The following KANK1 variants were observed in gnomAD, a reference collection of about 807,000 sequenced individuals.
KANK1 encodes KN motif and ankyrin repeat domains 1, also known as KN motif and ankyrin repeat domain-containing protein 1.
A neutral mutation model predicts 106.2 loss-of-function variants in KANK1; 109 were observed. That is an observed-to-expected ratio of 1.03 (90% confidence interval 0.88 to 1.20). The LOEUF is 1.20. KANK1 is among the 50% of genes most tolerant of loss of function. The probability of loss-of-function intolerance (pLI) is 0.00; values close to 1 mark genes in which losing one functional copy is unlikely to be tolerated. For synonymous variants in KANK1, 873 were observed against 652.2 expected (o/e 1.34, Z -5.16); for missense variants, 2,399 against 1,710.7 (o/e 1.40, Z -7.10).
chr9:730,525 C>A (rs1831940021), intron 4 of KANK1: 1 of 392,870 alleles, frequency 2.5e-6, no homozygotes, highest in African/African-American at 2.1e-5. Flanking sequence ...AACCCCATCT[C>A]TACTAAAAAA....
At chr9:740,510 A>T (rs1432924755) in intron 8 of KANK1, among the ~76,000 whole-genome samples, 1 of 152,198 alleles carries the variant, frequency 6.6e-6, no homozygotes. Context: ...AACCACCCTG[A>T]CTTCCAAGCC....
chr9:543,949 G>C (rs984809935), intron 1 of KANK1, among the ~76,000 whole-genome samples: 1 of 151,724 alleles, frequency 6.6e-6, no homozygotes, highest in Non-Finnish European at 1.5e-5. Context: ...TACCTACCTG[G>C]CTATTTTCTT....
chr9:554,079 T>C (rs987515458), intron 1 of KANK1, among the ~76,000 whole-genome samples: 2 of 152,044 alleles, frequency 1.3e-5, no homozygotes, highest in African/African-American at 4.8e-5. Flanking sequence ...ACAGCATAGG[T>C]ATATTAGGAA....
intron 2 of KANK1, among the ~76,000 whole-genome samples, chr9:687,783 G>A (rs1239944824): frequency 2.0e-5 from 3 of 151,962 alleles, no homozygotes; most frequent in South Asian, 2.1e-4. Flanking sequence ...CTTTTATTCT[G>A]TTATTATTCT....
chr9:699,281 C>G (rs1822075682), intron 2 of KANK1, among the ~76,000 whole-genome samples: 1 of 152,204 alleles, frequency 6.6e-6, no homozygotes. Context: ...GTAAGTTCTA[C>G]CCAGACAGGC....
At chr9:718,338 G>C (rs182810349) in intron 3 of KANK1, among the ~76,000 whole-genome samples, 2 of 133,472 alleles carry the variant, frequency 1.5e-5, no homozygotes, top group African/African-American at 5.4e-5. Context: ...CTTAAGACAG[G>C]GTCTCACTCT....
chr9:703,773 G>A (rs1026588027), intron 2 of KANK1, among the ~76,000 whole-genome samples: 7 of 151,716 alleles, frequency 4.6e-5, no homozygotes, highest in South Asian at 2.1e-4. Context: ...ATGCAGTGGC[G>A]TGATCTTGAC....
At chr9:715,316 A>G (rs1159864744) in intron 3 of KANK1, among the ~76,000 whole-genome samples, 1 of 152,048 alleles carries the variant, frequency 6.6e-6, no homozygotes, top group Non-Finnish European at 1.5e-5. Flanking sequence ...CATCCTTTTA[A>G]AAATCATGAT....
chr9:603,580 ACCTTTC>A (rs1388161247), intron 1 of KANK1, among the ~76,000 whole-genome samples: 2 of 151,694 alleles, frequency 1.3e-5, no homozygotes, highest in African/African-American at 4.9e-5. Context: ...CTTTTTCCTT[ACCTTTC>A]CCTAGTTCTA....
At position 647,825 on chromosome 9, in the gene KANK1, C is replaced by A. The variant is rs558576928; in HGVS notation, c.-83-29065C>A. On this transcript the variant is annotated intron_variant, in intron 1 of 11. Coordinates refer to ENST00000382297, the MANE Select transcript of KANK1 (RefSeq NM_015158.5). Reference sequence around the variant, plus strand: ...TACGAAATAGCCCGCAATCCCAGATCTTCCATGGGTAATTTTGGGAAAGTG... The same window carrying A: ...TACGAAATAGCCCGCAATCCCAGATATTCCATGGGTAATTTTGGGAAAGTG... Among the ~76,000 whole-genome samples, 10 of 150,538 alleles carry A rather than the reference C, an allele frequency of 6.6e-5. No individual in the cohort carries two copies. The South Asian group carries it at 1.9e-3, about 28-fold the overall frequency.
In KANK1 at chr9:732,544, T is replaced by G; in HGVS notation, c.3172T>G (p.Leu1058Val). ...EGHHAVNIEGLKSARVEDEMQ... is the reference protein window; with the variant it reads ...EGHHAVNIEGVKSARVEDEMQ... ...GCACCATGCAGTTAATATTGAAGGT[T>G]TGAAGTCTGCCAGGGTGGAAGATGA... The change falls in exon 6 of 12, where the codon TTG (leucine) becomes GTG (valine). Residue 1058 changes from leucine to valine, a missense_variant. Physicochemically the swap from Leu to Val is conservative, Grantham distance 32. Transcript: ENST00000382297. The G allele has an allele frequency of 1.2e-6, 2 of 1,614,138 alleles. No individual in the cohort carries two copies. The highest frequency in any genetic ancestry group is 1.1e-5 in the South Asian group (1 of 91,074).
rs145940336 is a variant in KANK1 at position 509,621 on chromosome 9, T to A, written c.-84+4867T>A. On this transcript the variant is annotated intron_variant, in intron 1 of 11. Coordinates refer to ENST00000382297, the MANE Select transcript of KANK1 (RefSeq NM_015158.5). ...TAATCCTCTTATTAGAAATGTGTGT[T>A]AATTTCTGGTGTTTTACTAGTACAT... 2.8e-3 allele frequency among the ~76,000 whole-genome samples: 423 copies of A among 152,344 alleles called. 2 individuals are homozygous for A. The highest frequency in any genetic ancestry group is 4.3e-3 in the Non-Finnish European group (290 of 68,020).
At chr9:577,540 C>G (rs913587466) in intron 1 of KANK1, among the ~76,000 whole-genome samples, 19 of 152,162 alleles carry the variant, frequency 1.2e-4, no homozygotes, top group Admixed American at 7.2e-4. Context: ...AGTCCGCACC[C>G]GACCCAGAAG....
chr9:511,760 T>C (rs2059035934), intron 1 of KANK1, among the ~76,000 whole-genome samples: 1 of 152,210 alleles, frequency 6.6e-6, no homozygotes, highest in African/African-American at 2.4e-5. Context: ...TCTTGTCTGG[T>C]CCCAACTCAG....
chr9:732,210 CA>C, intron 5 of KANK1, 167 bp from the exon 6 acceptor site: 3 of 714,972 alleles, frequency 4.2e-6, no homozygotes, highest in Non-Finnish European at 6.7e-6. Flanking sequence ...AGAGTCCATT[CA>C]AAACCACCAG....
At chr9:605,861 A>G (rs944909588) in intron 1 of KANK1, among the ~76,000 whole-genome samples, 1 of 151,516 alleles carries the variant, frequency 6.6e-6, no homozygotes, top group Non-Finnish European at 1.5e-5. Context: ...TCAAGATGGG[A>G]GAGAGAAATG....
At chr9:721,696 A>G (rs906791655) in intron 3 of KANK1, among the ~76,000 whole-genome samples, 1 of 152,192 alleles carries the variant, frequency 6.6e-6, no homozygotes, top group South Asian at 2.1e-4. Flanking sequence ...GGGTCCCTCA[A>G]GGCTTCAGGT....
intron 1 of KANK1, among the ~76,000 whole-genome samples, chr9:570,596 G>A (rs935853590): frequency 6.6e-6 from 1 of 152,172 alleles, no homozygotes; most frequent in Non-Finnish European, 1.5e-5. Flanking sequence ...AGTGCATGCT[G>A]CTTCATTCGA....
intron 1 of KANK1, among the ~76,000 whole-genome samples, chr9:514,337 G>T (rs112021211): frequency 5.6e-5 from 8 of 142,114 alleles, no homozygotes; most frequent in African/African-American, 2.3e-4. Flanking sequence ...CTTCAGGGTA[G>T]CCCTTTTTAG....
Sources: gnomAD v4.1 joint callset for allele counts (sites outside exome capture counted in the v4.1 genomes callset) on GRCh38, gnomAD v4.1.1 for gene constraint, MANE v1.5 for transcripts, NCBI Gene and HGNC (gene_info 2026-07-23, HGNC 2026-07-21) for gene names.